Variants in ELP4 observed in about 807,000 individuals in gnomAD.
ELP4 encodes the protein elongator acetyltransferase complex subunit 4.
Under a neutral mutation model 48.9 loss-of-function variants are expected in ELP4, and 51 were observed. That is an observed-to-expected ratio of 1.04 (90% CI 0.83 to 1.32). The LOEUF (loss-of-function observed/expected upper bound fraction) is 1.32, where lower values mean the gene tolerates loss of function less well. Among genes scored for constraint, ELP4 ranks in the 40% most tolerant of loss-of-function variants. The probability of loss-of-function intolerance (pLI) is 0.00; values close to 1 mark genes in which losing one functional copy is unlikely to be tolerated. For synonymous variants in ELP4, 210 were observed against 189.2 expected, an observed-to-expected ratio of 1.11 and a Z score of -0.90; for missense variants, 519 against 514.6, an observed-to-expected ratio of 1.01 and a Z score of -0.08.
intron 9 of ELP4, among the ~76,000 whole-genome samples, chr11:31,698,261 C>T (rs1320944865): frequency 1.3e-5 from 2 of 152,114 alleles, no homozygotes; most frequent in Non-Finnish European, 2.9e-5. Context: ...CCTTATCTTT[C>T]TGTAAGTTAT....
At chr11:31,611,521 G>A (rs1957979230) in intron 5 of ELP4, among the ~76,000 whole-genome samples, 1 of 152,242 alleles carries the variant, frequency 6.6e-6, no homozygotes, top group Middle Eastern at 3.4e-3. Context: ...CATTGAGGTT[G>A]GGGAAAGGGG....
chr11:31,729,157 T>G (rs1280522964), intron 9 of ELP4, among the ~76,000 whole-genome samples: 1 of 152,162 alleles, frequency 6.6e-6, no homozygotes, highest in Non-Finnish European at 1.5e-5. Context: ...TAAAATGTGC[T>G]TGTTCATTTT....
chr11:31,628,372 G>A (rs1944791130), intron 6 of ELP4: 1 of 151,214 alleles, frequency 6.6e-6, no homozygotes, highest in Non-Finnish European at 1.5e-5. Context: ...GGATGATGAT[G>A]ACACATCTTC....
intron 2 of ELP4, among the ~76,000 whole-genome samples, chr11:31,522,591 A>G (rs189261105): frequency 7.9e-5 from 12 of 152,322 alleles, no homozygotes; most frequent in African/African-American, 2.9e-4. Flanking sequence ...ATTACTAACA[A>G]TGCTATTGTG....
chr11:31,716,041 C>T (rs1023693889), intron 9 of ELP4, among the ~76,000 whole-genome samples: 5 of 151,980 alleles, frequency 3.3e-5, no homozygotes, highest in Non-Finnish European at 7.4e-5. Context: ...TGAGACAGGG[C>T]CTCGCTGTGT....
intron 9 of ELP4, chr11:31,767,761 C>A (rs1370903343): frequency 6.6e-6 from 1 of 152,130 alleles, no homozygotes; most frequent in Admixed American, 6.5e-5. Flanking sequence ...TTACTGCTTA[C>A]TTCCCTCTGT....
chr11:31,683,498 A>G (rs1418124559), intron 9 of ELP4, among the ~76,000 whole-genome samples: 2 of 152,210 alleles, frequency 1.3e-5, no homozygotes, highest in Non-Finnish European at 2.9e-5. Context: ...CAGATGAAAC[A>G]GGCTCAAGCT....
chr11:31,597,293 A>G (rs898148229), intron 4 of ELP4, among the ~76,000 whole-genome samples: 2 of 152,188 alleles, frequency 1.3e-5, no homozygotes, highest in African/African-American at 4.8e-5. Context: ...GTAAAATACT[A>G]TACATTTGTT....
chr11:31,511,155 CT>C (rs1955993957), intron 1 of ELP4: 13 of 152,110 alleles, frequency 8.5e-5, no homozygotes, highest in Admixed American at 8.5e-4. Context: ...GTATTTTTCA[CT>C]TAATTGTTTC....
intron 3 of ELP4, among the ~76,000 whole-genome samples, chr11:31,567,067 A>T (rs1388555927): frequency 9.2e-5 from 14 of 151,712 alleles, no homozygotes; most frequent in Admixed American, 9.2e-4. Flanking sequence ...AGTAACTGGG[A>T]TTACAGGCAT....
intron 3 of ELP4, among the ~76,000 whole-genome samples, chr11:31,548,522 G>C (rs1466266096): frequency 6.6e-6 from 1 of 152,122 alleles, no homozygotes; most frequent in Non-Finnish European, 1.5e-5. Flanking sequence ...CATGCTCATG[G>C]GTAGGAAGAA....
At chr11:31,747,984 A>G (rs763669750) in intron 9 of ELP4, among the ~76,000 whole-genome samples, 26 of 152,228 alleles carry the variant, frequency 1.7e-4, no homozygotes, top group East Asian at 9.6e-4. Flanking sequence ...CTTAAAAACT[A>G]TTACTTAAAA....
intron 9 of ELP4, among the ~76,000 whole-genome samples, chr11:31,656,665 A>T (rs1414149366): frequency 1.3e-5 from 2 of 152,046 alleles, no homozygotes; most frequent in Non-Finnish European, 2.9e-5. Flanking sequence ...TTAGAATCTT[A>T]CTAACAGTCT....
Position 31,660,003 on chromosome 11 carries a change from A to G in ELP4, c.1143+9782A>G, listed in dbSNP as rs200001960. On this transcript the variant is annotated intron_variant, in intron 9 of 9. Coordinates refer to ENST00000640961, the MANE Select transcript of ELP4 (RefSeq NM_019040.5). ...CGAGACTCCATCTCAAAAAACAAATATCAATTTTGATTGAACTATCTTTGT... is the reference window on the plus strand; with the variant it reads ...CGAGACTCCATCTCAAAAAACAAATGTCAATTTTGATTGAACTATCTTTGT... 2.0e-5 allele frequency among the ~76,000 whole-genome samples: 3 copies of G among 152,140 alleles called. No individual in the cohort carries two copies. The East Asian group carries it at 5.8e-4, about 29-fold the overall frequency.
chr11:31,752,813 G>T (rs1177075811), intron 9 of ELP4, among the ~76,000 whole-genome samples: 1 of 140,458 alleles, frequency 7.1e-6, no homozygotes. Context: ...CAGCCTGGAC[G>T]ACAGAGTGAG....
At chr11:31,608,190 G>C (rs1201557748) in intron 5 of ELP4, among the ~76,000 whole-genome samples, 1 of 152,028 alleles carries the variant, frequency 6.6e-6, no homozygotes, top group Non-Finnish European at 1.5e-5. Flanking sequence ...GAATGGTAAA[G>C]AAAGCATCCT....
chr11:31,567,144 G>A (rs1292794493), intron 3 of ELP4, among the ~76,000 whole-genome samples: 5 of 151,908 alleles, frequency 3.3e-5, no homozygotes, highest in African/African-American at 1.2e-4. Flanking sequence ...TGTTGGTCAG[G>A]CTGGTCTCGA....
At chr11:31,584,960 C>T (rs1218034934) in intron 3 of ELP4, among the ~76,000 whole-genome samples, 2 of 152,060 alleles carry the variant, frequency 1.3e-5, no homozygotes, top group African/African-American at 4.8e-5. Flanking sequence ...AGTATTTATT[C>T]CTCTACTCTT....
intron 9 of ELP4, among the ~76,000 whole-genome samples, chr11:31,712,086 A>G (rs1946752925): frequency 6.6e-6 from 1 of 152,012 alleles, no homozygotes; most frequent in South Asian, 2.1e-4. Flanking sequence ...ACCAACTACC[A>G]ATACCTAGGT....
Sources: gnomAD v4.1 joint callset for allele counts (sites outside exome capture counted in the v4.1 genomes callset) on GRCh38, gnomAD v4.1.1 for gene constraint, MANE v1.5 for transcripts, NCBI Gene and HGNC (gene_info 2026-07-23, HGNC 2026-07-21) for gene names.